Variants in POLR2B observed in about 807,000 individuals in gnomAD.
The protein encoded by POLR2B is DNA-directed RNA polymerase II subunit RPB2.
A neutral mutation model predicts 144.6 loss-of-function variants in POLR2B; 57 were observed. The observed-to-expected ratio is 0.39, with a 90% CI of 0.32 to 0.49. The LOEUF is 0.49. POLR2B is among the 20% of genes least tolerant of loss of function. The pLI, the probability that POLR2B is intolerant of heterozygous loss-of-function variation, is 0.83. For synonymous variants in POLR2B, 442 were observed against 469.8 expected (o/e 0.94, Z 0.77); for missense variants, 595 against 1,467.4 (o/e 0.41, Z 9.71).
At chr4:56,992,527 C>T (rs73167819) in intron 3 of POLR2B, among the ~76,000 whole-genome samples, 2,003 of 132,602 alleles carry the variant, frequency 0.015, 151 homozygotes, top group East Asian at 0.14. Context: ...AGGCTGGGGA[C>T]CACAATGATC....
At chr4:57,020,829 GATTTAAAGAA>G (rs1220813305) in intron 16 of POLR2B, 60 bp from the exon 17 acceptor site, 1 of 848,564 alleles carries the variant, frequency 1.2e-6, no homozygotes, top group African/African-American at 1.7e-5. Context: ...AATTAAAGTT[GATTTAAAGAA>G]AGGGCAGTTT....
At position 57,006,736 on chromosome 4, in the gene POLR2B, T is replaced by A. The variant is rs906412057; in HGVS notation, c.1218-80T>A. 11 of 1,218,642 alleles carry A rather than the reference T, an allele frequency of 9.0e-6. No individual in the cohort carries two copies. The Admixed American group carries it at 2.2e-4, about 24-fold the overall frequency. The allele number at this position is 1,218,642 out of a possible 1,614,324, so 75.5% of individuals were successfully genotyped here. On this transcript the variant is annotated intron_variant, in intron 9 of 24. Coordinates refer to ENST00000314595, the MANE Select transcript of POLR2B (RefSeq NM_000938.3). ...AATTTTTGCTCACCTTCCCCACGCT[T>A]TTTTTTGCAATATTCCTCCTGTTGA...
intron 21 of POLR2B, among the ~76,000 whole-genome samples, chr4:57,024,608 A>T (rs1723657245): frequency 6.6e-6 from 1 of 152,120 alleles, no homozygotes; most frequent in Non-Finnish European, 1.5e-5. Context: ...GATCCCATGG[A>T]TCGACTTCTA....
At chr4:57,014,904 C>G (rs1408180078) in intron 13 of POLR2B, among the ~76,000 whole-genome samples, 1 of 151,542 alleles carries the variant, frequency 6.6e-6, no homozygotes, top group Non-Finnish European at 1.5e-5. Context: ...TCTTTTTTTT[C>G]TGGTTTGGTG....
intron 1 of POLR2B, among the ~76,000 whole-genome samples, chr4:56,984,097 T>C (rs1223817722): frequency 6.8e-6 from 1 of 147,922 alleles, no homozygotes; most frequent in African/African-American, 2.4e-5. Flanking sequence ...ACTCCTGGTC[T>C]CAAGTGATCT....
chr4:57,025,533 T>A lies in POLR2B; in HGVS notation c.3235T>A (p.Ser1079Thr). The A allele has an allele frequency of 6.3e-7, 1 of 1,588,908 alleles. No individual in the cohort carries two copies. The part of the protein sequence containing the change: ...ILNRQPMEGR[S>T]RDGGLRFGEM... Reference sequence around the variant, plus strand: ...CAATAGACAGCCCATGGAGGGTAGATCTCGGTAAGAACTGTATCATCATCA... The same window carrying A: ...CAATAGACAGCCCATGGAGGGTAGAACTCGGTAAGAACTGTATCATCATCA... The change falls in exon 23 of 25, where the codon TCT becomes ACT. Residue 1079 changes from serine (S) to threonine (T), a missense_variant. Physicochemically the swap from Ser to Thr is moderately conservative, Grantham distance 58. Coordinates refer to ENST00000314595, the MANE Select transcript of POLR2B (RefSeq NM_000938.3).
In POLR2B at chr4:57,023,632, C is replaced by T. The variant is rs1723620753; in HGVS notation, c.2767-30C>T. The T allele has an allele frequency of 1.2e-6, 2 of 1,610,074 alleles. No individual in the cohort carries two copies. Among genetic ancestry groups the T allele is most frequent in the Admixed American group, 1.7e-5 (1 of 59,720 alleles). ...AGTTTTAGAAAGTAAACCAAATCCA[C>T]TTAACTAACTTATTTTTATATGAAT... On this transcript the variant is annotated intron_variant, in intron 19 of 24. Transcript: ENST00000314595. The surrounding 1 kb of genome is among the most constrained non-coding windows in gnomAD (Gnocchi z 4.3).
In POLR2B at chr4:57,023,174, A is replaced by G; in HGVS notation, c.2516-156A>G. 1 of 662,994 alleles carries G rather than the reference A, an allele frequency of 1.5e-6. No individual in the cohort carries two copies. Among genetic ancestry groups the G allele is most frequent in the Non-Finnish European group, 2.5e-6 (1 of 394,602 alleles). The allele number at this position is 662,994 out of a possible 1,614,324, so 41.1% of individuals were successfully genotyped here. On this transcript the variant is annotated intron_variant, in intron 18 of 24. Transcript: ENST00000314595. This position sits in a 1 kb window ranked among gnomAD's most constrained non-coding sequence, Gnocchi z 4.3. ...TTTTGTTTTCTGTGTGGGCTGTAGT[A>G]TTAGAGTTCAGAATAGTTTGTAATA...
intron 23 of POLR2B, among the ~76,000 whole-genome samples, chr4:57,025,854 T>C (rs1723700159): frequency 1.3e-5 from 2 of 152,132 alleles, no homozygotes; most frequent in Non-Finnish European, 2.9e-5. Context: ...TAATATTGTC[T>C]CTTAAGTCCT....
intron 6 of POLR2B, among the ~76,000 whole-genome samples, chr4:56,998,868 G>A (rs1405559029): frequency 6.6e-6 from 1 of 152,176 alleles, no homozygotes; most frequent in Non-Finnish European, 1.5e-5. Context: ...GAGTTCTGAA[G>A]CAGGAGGCCT....
At chr4:57,025,916 G>A (rs1209018464) in intron 23 of POLR2B, among the ~76,000 whole-genome samples, 4 of 151,538 alleles carry the variant, frequency 2.6e-5, no homozygotes, top group Admixed American at 2.6e-4. Flanking sequence ...ACAGGCATGT[G>A]CCACTACACC....
intron 14 of POLR2B, among the ~76,000 whole-genome samples, chr4:57,016,462 G>A (rs531587085): frequency 2.0e-5 from 3 of 151,982 alleles, no homozygotes; most frequent in Admixed American, 6.6e-5. Flanking sequence ...GATCACTTGA[G>A]CCCAGGAGTA....
intron 23 of POLR2B, among the ~76,000 whole-genome samples, chr4:57,029,973 G>A (rs1226188150): frequency 6.6e-6 from 1 of 152,134 alleles, no homozygotes; most frequent in African/African-American, 2.4e-5. Flanking sequence ...TTCCCAAAGT[G>A]CTGGGATTAC....
chr4:57,015,721 AT>A, intron 14 of POLR2B, 65 bp downstream of exon 14: 2 of 661,368 alleles, frequency 3.0e-6, no homozygotes, highest in Non-Finnish European at 4.7e-6. Context: ...ATACTGTAAA[AT>A]TAACCTTTTT....
intron 13 of POLR2B, among the ~76,000 whole-genome samples, chr4:57,011,935 ATTCTT>A: frequency 6.6e-6 from 1 of 152,252 alleles, no homozygotes; most frequent in Non-Finnish European, 1.5e-5. Context: ...TAAAGTAAAA[ATTCTT>A]TTGGGAATCT....
Position 57,023,601 on chromosome 4 carries a change from G to A in POLR2B, c.2766+21G>A. 1.9e-6 allele frequency: 3 copies of A among 1,612,554 alleles called. No homozygotes were observed. The highest frequency in any genetic ancestry group is 2.5e-6 in the Non-Finnish European group (3 of 1,178,846). ...TAAGGGTGAGTACAACTTTGTTCAT[G>A]TAGCTAGTTTTAGAAAGTAAACCAA... On this transcript the variant is annotated intron_variant, in intron 19 of 24. Transcript: ENST00000314595. This position sits in a 1 kb window ranked among gnomAD's most constrained non-coding sequence, Gnocchi z 4.3.
At chr4:57,012,869 C>T (rs2109695208) in intron 13 of POLR2B, among the ~76,000 whole-genome samples, 1 of 151,768 alleles carries the variant, frequency 6.6e-6, no homozygotes, top group Admixed American at 6.6e-5. Flanking sequence ...GAGGTGGAGT[C>T]TCACTCTCTT....
intron 13 of POLR2B, among the ~76,000 whole-genome samples, chr4:57,014,275 A>C (rs1205894854): frequency 6.6e-6 from 1 of 151,884 alleles, no homozygotes; most frequent in East Asian, 1.9e-4. Flanking sequence ...GCTCACTGCA[A>C]CCTCTGCCTC....
chr4:57,016,932 A>C, intron 14 of POLR2B, 111 bp from the exon 15 acceptor site: 2 of 281,174 alleles, frequency 7.1e-6, no homozygotes, highest in Non-Finnish European at 6.5e-6. Context: ...ATGTATATTT[A>C]ATATATAATA....
Sources: allele counts gnomAD v4.1 joint callset (sites outside exome capture counted in the v4.1 genomes callset), GRCh38; gene constraint gnomAD v4.1.1; non-coding constraint Gnocchi (gnomAD v3.1); transcripts MANE v1.5; gene names NCBI Gene and HGNC (gene_info 2026-07-23, HGNC 2026-07-21).